The following ZNF714 variants were observed in gnomAD, a reference collection of about 807,000 sequenced individuals.
ZNF714 encodes the protein zinc finger protein 714.
ZNF714 carries 32 observed loss-of-function variants against 46.2 expected under a neutral mutation model. The ratio of observed to expected loss-of-function variants is 0.69; its 90% CI spans 0.52 to 0.93. ZNF714 has a LOEUF of 0.93. ZNF714 is among the 40% of genes least tolerant of loss of function. The pLI, the probability that ZNF714 is intolerant of heterozygous loss-of-function variation, is 0.00. For missense variants in ZNF714, 635 were observed against 646.3 expected (o/e 0.98, Z 0.19); for synonymous variants, 199 against 213.1 (o/e 0.93, Z 0.58).
intron 2 of ZNF714, among the ~76,000 whole-genome samples, chr19:21,094,013 C>A (rs1003907697): frequency 6.6e-6 from 1 of 152,154 alleles, no homozygotes; most frequent in Non-Finnish European, 1.5e-5. Context: ...TTGTTTGAGA[C>A]GGAGTCTCAC....
In ZNF714 at chr19:21,118,611, A is replaced by AC; in HGVS notation, c.*281dup. ...TGTGAAGAATATGGCAAAGCCTTTA[A>AC]CCAGTCTTCAACTCTTACTAGGCAT... is the stretch of plus-strand genomic sequence containing the variant. On this transcript the variant is annotated 3_prime_UTR_variant, in exon 5 of 5. Coordinates refer to ENST00000456283, the MANE Select transcript of ZNF714 (RefSeq NM_182515.4). 3.7e-6 allele frequency: 1 copy of AC among 269,748 alleles called. No individual in the cohort carries two copies. The highest frequency in any genetic ancestry group is 7.4e-6 in the Non-Finnish European group (1 of 135,798). 16.7% of individuals were successfully genotyped at this position (269,748 alleles called of 1,614,324 possible).
At chr19:21,098,959 TAAA>T (rs34494287) in intron 4 of ZNF714, 49 bp downstream of exon 4, 2,257 of 676,168 alleles carry the variant, frequency 3.3e-3, no homozygotes, top group South Asian at 6.9e-3. Flanking sequence ...GGTACAAAGG[TAAA>T]AAAAAAAAAA....
chr19:21,095,575 G>A (rs1285478439), intron 2 of ZNF714, among the ~76,000 whole-genome samples: 1 of 151,730 alleles, frequency 6.6e-6, no homozygotes, highest in Admixed American at 6.6e-5. Flanking sequence ...CCATTCTCCT[G>A]CCTCAGCCTC....
At chr19:21,087,535 C>G (rs1193602438) in intron 2 of ZNF714, among the ~76,000 whole-genome samples, 1 of 152,094 alleles carries the variant, frequency 6.6e-6, no homozygotes, top group East Asian at 1.9e-4. Context: ...ACAAACCTAT[C>G]CAATTTTAGT....
At position 21,123,514 on chromosome 19, in the gene ZNF714, C is replaced by G. The variant is rs1211431873; in HGVS notation, c.*5182C>G. ...GGACTACAGGCGCCCGCTACCGCAC[C>G]CGTCTAATTTTTTTGTATTTTTAGT... On this transcript the variant is annotated 3_prime_UTR_variant, in exon 5 of 5. Coordinates refer to ENST00000456283, the MANE Select transcript of ZNF714 (RefSeq NM_182515.4). Among the ~76,000 whole-genome samples the G allele has an allele frequency of 6.6e-6, 1 of 151,954 alleles. No homozygotes were observed. Among genetic ancestry groups the G allele is most frequent in the Non-Finnish European group, 1.5e-5 (1 of 67,998 alleles).
chr19:21,098,592 C>G (rs897508137), intron 3 of ZNF714, among the ~76,000 whole-genome samples: 1 of 152,082 alleles, frequency 6.6e-6, no homozygotes, highest in South Asian at 2.1e-4. Context: ...ATCTTAAAAT[C>G]TATTTTCCAC....
rs1033332504 is a variant in ZNF714 at position 21,122,640 on chromosome 19, A to T, written c.*4308A>T. ...ATAAATTCTGCTTCTTTTATTTTCTACTTCTCTTCAGATTTGTTTCTCGTA... is the reference window on the plus strand; with the variant it reads ...ATAAATTCTGCTTCTTTTATTTTCTTCTTCTCTTCAGATTTGTTTCTCGTA... On this transcript the variant is annotated 3_prime_UTR_variant, in exon 5 of 5. Coordinates refer to ENST00000456283, the MANE Select transcript of ZNF714 (RefSeq NM_182515.4). 1.3e-5 allele frequency: 2 copies of T among 151,998 alleles called. No homozygotes were observed. The highest frequency in any genetic ancestry group is 4.8e-5 in the African/African-American group (2 of 41,390). The allele number at this position is 151,998 out of a possible 1,614,324, so 9.4% of individuals were successfully genotyped here.
chr19:21,082,448 C>G, intron 1 of ZNF714, 100 bp downstream of exon 1: 1 of 1,192,012 alleles, frequency 8.4e-7, no homozygotes. Context: ...GCAGTCAACT[C>G]TACAATCTGC....
chr19:21,109,955 A>G (rs540918804), intron 4 of ZNF714, among the ~76,000 whole-genome samples: 1 of 152,298 alleles, frequency 6.6e-6, no homozygotes, highest in South Asian at 2.1e-4. Flanking sequence ...ATAGTAGTCT[A>G]TGGTGCATAC....
chr19:21,099,164 G>T (rs565576331), intron 4 of ZNF714, among the ~76,000 whole-genome samples: 2 of 150,790 alleles, frequency 1.3e-5, no homozygotes, highest in South Asian at 4.2e-4. Context: ...GAAAAACACT[G>T]TTTTTTTTTG....
chr19:21,099,002 G>T, intron 4 of ZNF714, 92 bp downstream of exon 4: 2 of 812,494 alleles, frequency 2.5e-6, no homozygotes, highest in South Asian at 2.6e-5. Context: ...ATGTGATTTG[G>T]GAAGCTGTTT....
At chr19:21,083,848 T>C in intron 1 of ZNF714, 130 bp from the exon 2 acceptor site, 1 of 294,852 alleles carries the variant, frequency 3.4e-6, no homozygotes. Context: ...TGATGTGTCC[T>C]CAGCCACCCT....
intron 2 of ZNF714, among the ~76,000 whole-genome samples, chr19:21,088,781 C>T (rs1968842462): frequency 6.6e-6 from 1 of 152,088 alleles, no homozygotes. Context: ...GATTACTAGC[C>T]CACGACCAGG....
At position 21,118,369 on chromosome 19, in the gene ZNF714, T is replaced by C. The variant is rs532062225; in HGVS notation, c.*37T>C. 5.9e-4 allele frequency: 365 copies of C among 617,872 alleles called. 2 individuals are homozygous for C. Among genetic ancestry groups the C allele is most frequent in the Middle Eastern group, 8.8e-4 (2 of 2,272 alleles). 38.3% of individuals were successfully genotyped at this position (617,872 alleles called of 1,614,324 possible). A position where few individuals can be genotyped will look rare whatever the true frequency, so the allele number is the denominator to read the frequency against. On this transcript the variant is annotated 3_prime_UTR_variant, in exon 5 of 5. Coordinates refer to ENST00000456283, the MANE Select transcript of ZNF714 (RefSeq NM_182515.4). The stretch of plus-strand genomic sequence containing the variant: ...TGGGAGGCAGAGGCAGGAGAATCAT[T>C]TGAACCTGGGAGGCAGAGGTTGCAG...
intron 4 of ZNF714, among the ~76,000 whole-genome samples, chr19:21,105,026 C>CTTTTTTTTTTT (rs34750232): frequency 7.7e-6 from 1 of 129,768 alleles, no homozygotes; most frequent in Admixed American, 8.6e-5. Context: ...TCATTTCTTT[C>CTTTTTTTTTTT]TTTTTTTTTT....
rs564228140 is a variant in ZNF714 at position 21,107,262 on chromosome 19, G to A, written c.142+8352G>A. On this transcript the variant is annotated intron_variant, in intron 4 of 4. Transcript: ENST00000456283. ...TTTTCTTTCTTTTTTTTTTTGAGAC[G>A]GAATTTCGCTCTTGTTGCCCAGGCT... is the stretch of plus-strand genomic sequence containing the variant. 1.5e-4 allele frequency among the ~76,000 whole-genome samples: 22 copies of A among 149,290 alleles called. No individual in the cohort carries two copies. The South Asian group carries it at 3.0e-3, about 20-fold the overall frequency.
chr19:21,092,429 C>T (rs1759186638), intron 2 of ZNF714, among the ~76,000 whole-genome samples: 1 of 152,230 alleles, frequency 6.6e-6, no homozygotes, highest in Admixed American at 6.5e-5. Context: ...CTATTTTCCC[C>T]AGCAACCTAG....
chr19:21,121,254 A>G lies in ZNF714; in HGVS notation c.*2922A>G, dbSNP rs1484162663. ...CACCATGTTAGCCAGGATGGTCTCA[A>G]TCTCCTGACCTCGTGATCTGGTCTC... is the stretch of plus-strand genomic sequence containing the variant. On this transcript the variant is annotated 3_prime_UTR_variant, in exon 5 of 5. Coordinates refer to ENST00000456283, the MANE Select transcript of ZNF714 (RefSeq NM_182515.4). The G allele has an allele frequency of 6.6e-6, 1 of 151,964 alleles. No individual in the cohort carries two copies. The highest frequency in any genetic ancestry group is 1.5e-5 in the Non-Finnish European group (1 of 68,028). The allele number at this position is 151,964 out of a possible 1,614,324, so 9.4% of individuals were successfully genotyped here.
chr19:21,115,297 A>G (rs985714725), intron 4 of ZNF714, among the ~76,000 whole-genome samples: 5 of 151,928 alleles, frequency 3.3e-5, no homozygotes, highest in African/African-American at 1.2e-4. Flanking sequence ...TTTTTGTGCC[A>G]TTATTATAAT....
Sources: allele counts gnomAD v4.1 joint callset (sites outside exome capture counted in the v4.1 genomes callset), GRCh38; gene constraint gnomAD v4.1.1; transcripts MANE v1.5; gene names NCBI Gene and HGNC (gene_info 2026-07-23, HGNC 2026-07-21).